Variants in GALNTL6 observed in about 807,000 individuals in gnomAD.
GALNTL6 encodes the protein polypeptide N-acetylgalactosaminyltransferase-like 6.
GALNTL6 carries 46 observed loss-of-function variants against 73.7 expected under a neutral mutation model. The observed-to-expected ratio is 0.62, with a 90% confidence interval of 0.49 to 0.80. The LOEUF (loss-of-function observed/expected upper bound fraction) is 0.80. GALNTL6 is among the 30% of genes least tolerant of loss of function. The pLI is 0.00. For synonymous variants in GALNTL6, 259 were observed against 263.7 expected, an observed-to-expected ratio of 0.98 and a Z score of 0.17; for missense variants, 604 against 755.0, an observed-to-expected ratio of 0.80 and a Z score of 2.34.
intron 5 of GALNTL6, among the ~76,000 whole-genome samples, chr4:172,788,671 CAAA>C (rs36046571): frequency 1.3e-5 from 1 of 78,344 alleles, no homozygotes; most frequent in Admixed American, 1.5e-4. Flanking sequence ...GACTCCGTCT[CAAA>C]AAAAAAAAAA....
intron 5 of GALNTL6, among the ~76,000 whole-genome samples, chr4:172,633,971 G>A (rs112058191): frequency 5.9e-5 from 9 of 152,304 alleles, no homozygotes; most frequent in African/African-American, 1.9e-4. Context: ...CAGATGTGTG[G>A]AACTGGGAGT....
intron 3 of GALNTL6, among the ~76,000 whole-genome samples, chr4:172,239,262 C>A (rs1737339022): frequency 6.6e-6 from 1 of 152,014 alleles, no homozygotes; most frequent in African/African-American, 2.4e-5. Context: ...TTTTCTTATT[C>A]CATTTCAGAA....
At chr4:172,028,935 A>G (rs900207771) in intron 2 of GALNTL6, among the ~76,000 whole-genome samples, 1 of 152,070 alleles carries the variant, frequency 6.6e-6, no homozygotes, top group African/African-American at 2.4e-5. Context: ...CTTTGATGTT[A>G]TATAAATCAG....
intron 2 of GALNTL6, among the ~76,000 whole-genome samples, chr4:171,930,246 C>T (rs192210778): frequency 2.8e-4 from 42 of 152,346 alleles, no homozygotes; most frequent in African/African-American, 5.5e-4. Flanking sequence ...TCGCCTCCAG[C>T]GAAACCATGC....
At chr4:173,011,690 T>G (rs932625410) in intron 11 of GALNTL6, among the ~76,000 whole-genome samples, 5 of 152,112 alleles carry the variant, frequency 3.3e-5, no homozygotes, top group African/African-American at 4.8e-5. Context: ...TGACTGTAGG[T>G]GTGTGGATTT....
At chr4:172,259,483 G>T (rs1405049257) in intron 3 of GALNTL6, among the ~76,000 whole-genome samples, 1 of 150,120 alleles carries the variant, frequency 6.7e-6, no homozygotes, top group African/African-American at 2.4e-5. Flanking sequence ...TGATTTGTTG[G>T]AGTGTTTTGT....
chr4:172,085,345 T>TGGCTG (rs1384587404), intron 2 of GALNTL6, among the ~76,000 whole-genome samples: 32 of 152,086 alleles, frequency 2.1e-4, no homozygotes, highest in African/African-American at 7.2e-4. Flanking sequence ...GCAATGAAAA[T>TGGCTG]GGCTGGGAAT....
intron 2 of GALNTL6, among the ~76,000 whole-genome samples, chr4:172,145,294 T>C (rs538181776): frequency 1.3e-4 from 20 of 152,004 alleles, no homozygotes; most frequent in African/African-American, 1.9e-4. Context: ...CGCCCGCCAC[T>C]ACGCCCAGCT....
At chr4:171,907,826 T>C (rs1377801169) in intron 2 of GALNTL6, among the ~76,000 whole-genome samples, 1 of 151,744 alleles carries the variant, frequency 6.6e-6, no homozygotes, top group Non-Finnish European at 1.5e-5. Context: ...AACAGAGCCC[T>C]CAGAAATAAC....
intron 4 of GALNTL6, among the ~76,000 whole-genome samples, 189 bp from the exon 5 acceptor site, chr4:172,348,334 T>A (rs569868025): frequency 6.6e-6 from 1 of 152,122 alleles, no homozygotes; most frequent in Non-Finnish European, 1.5e-5. Context: ...TAAGAGTGAG[T>A]GTGAAAGGAG....
At position 172,809,328 on chromosome 4, in the gene GALNTL6, G is replaced by GT. The variant is rs761810857; in HGVS notation, c.554-27dup. ...AATTCAGCTGCAACTAATGTTTTGC[G>GT]TTTTTTCTATGCATTCTCTACTTCC... is the stretch of plus-strand genomic sequence containing the variant. On this transcript the variant is annotated intron_variant, in intron 5 of 12. Coordinates refer to ENST00000506823, the MANE Select transcript of GALNTL6 (RefSeq NM_001034845.3). This position sits in a 1 kb window ranked among gnomAD's most constrained non-coding sequence, Gnocchi z 4.4. 2 of 1,585,308 alleles carry GT rather than the reference G, an allele frequency of 1.3e-6. No homozygotes were observed. The highest frequency in any genetic ancestry group is 2.2e-5 in the East Asian group (1 of 44,662).
chr4:172,664,270 G>A (rs997168207), intron 5 of GALNTL6, among the ~76,000 whole-genome samples: 1 of 152,148 alleles, frequency 6.6e-6, no homozygotes, highest in Non-Finnish European at 1.5e-5. Flanking sequence ...AATCTGGAAT[G>A]TATATTAAAG....
At chr4:172,482,450 G>A (rs1022539853) in intron 5 of GALNTL6, among the ~76,000 whole-genome samples, 4 of 152,240 alleles carry the variant, frequency 2.6e-5, no homozygotes, top group Non-Finnish European at 4.4e-5. Flanking sequence ...CAGATTCAAG[G>A]ATGAGGAAAT....
intron 7 of GALNTL6, among the ~76,000 whole-genome samples, chr4:172,834,372 T>C (rs1415116172): frequency 6.6e-6 from 1 of 151,702 alleles, no homozygotes; most frequent in African/African-American, 2.4e-5. Context: ...AAGGCTGGAG[T>C]ATGGATGGCG....
At chr4:172,191,970 A>G (rs189692035) in intron 2 of GALNTL6, among the ~76,000 whole-genome samples, 416 of 151,350 alleles carry the variant, frequency 2.7e-3, no homozygotes, top group Admixed American at 4.3e-3. Flanking sequence ...TAAATAATTG[A>G]TGTTACCTAT....
chr4:171,904,607 A>G (rs949891154), intron 2 of GALNTL6, among the ~76,000 whole-genome samples: 22 of 152,162 alleles, frequency 1.4e-4, no homozygotes, highest in Non-Finnish European at 3.1e-4. Flanking sequence ...CAATCTAGCA[A>G]GGCAGGCCAA....
chr4:172,747,907 A>T (rs1347545519), intron 5 of GALNTL6, among the ~76,000 whole-genome samples: 1 of 151,580 alleles, frequency 6.6e-6, no homozygotes, highest in Admixed American at 6.6e-5. Context: ...AGAAGACATT[A>T]TGTTAAGCTA....
intron 2 of GALNTL6, among the ~76,000 whole-genome samples, chr4:171,881,376 C>T (rs1736444170): frequency 6.6e-6 from 1 of 152,112 alleles, no homozygotes; most frequent in African/African-American, 2.4e-5. Flanking sequence ...AAATTGCAAT[C>T]CCTGGTGTTA....
chr4:172,898,769 A>C (rs1156921703), intron 8 of GALNTL6, among the ~76,000 whole-genome samples: 7 of 152,242 alleles, frequency 4.6e-5, no homozygotes, highest in Admixed American at 4.6e-4. Context: ...AACATCCCTC[A>C]TATTATCTTA....
Sources: allele counts gnomAD v4.1 joint callset (sites outside exome capture counted in the v4.1 genomes callset), GRCh38; gene constraint gnomAD v4.1.1; non-coding constraint Gnocchi (gnomAD v3.1); transcripts MANE v1.5; gene names NCBI Gene and HGNC (gene_info 2026-07-23, HGNC 2026-07-21).